The following PTPRA variants were observed in gnomAD, a reference collection of about 807,000 sequenced individuals.
The protein encoded by PTPRA is protein tyrosine phosphatase receptor type A, also known as receptor-type tyrosine-protein phosphatase alpha.
PTPRA carries 25 observed loss-of-function variants against 104.8 expected under a neutral mutation model. That is an observed-to-expected ratio of 0.24 (90% CI 0.17 to 0.33). PTPRA has a LOEUF of 0.33. Ranked by LOEUF, PTPRA falls within the 10% of genes least tolerant of loss-of-function variation. The pLI, the probability that PTPRA is intolerant of heterozygous loss-of-function variation, is 1.00. For synonymous variants in PTPRA, 323 were observed against 368.9 expected (o/e 0.88, Z 1.43); for missense variants, 765 against 1,015.3 (o/e 0.75, Z 3.35).
intron 6 of PTPRA, among the ~76,000 whole-genome samples, chr20:2,984,504 CT>C (rs2062819801): frequency 6.6e-6 from 1 of 152,224 alleles, no homozygotes; most frequent in Non-Finnish European, 1.5e-5. Flanking sequence ...AAAAACTCTG[CT>C]CTTGGCTTCT....
chr20:2,986,829 C>A lies in PTPRA; in HGVS notation c.507C>A (p.Ile169=). The change falls in exon 7 of 24, where the codon ATC becomes ATA. Residue 169 remains isoleucine (I), a synonymous_variant. Transcript: ENST00000399903. The part of the protein sequence containing the change: ...LSSLLVIVFI[I]IVLYMLRFKK... ...CTCTGCTAGTGATCGTGTTTATTAT[C>A]ATAGTTTTGTACATGTTAAGGTGAG... is the stretch of plus-strand genomic sequence containing the variant. The A allele has an allele frequency of 1.2e-6, 2 of 1,611,186 alleles. No individual in the cohort carries two copies.
chr20:2,884,957 C>G (rs558108504), intron 1 of PTPRA, among the ~76,000 whole-genome samples: 5 of 152,092 alleles, frequency 3.3e-5, no homozygotes, highest in African/African-American at 1.2e-4. Flanking sequence ...CTACAGGCGC[C>G]CCCCACCACA....
At chr20:3,030,198 T>C (rs1194779492) in intron 20 of PTPRA, among the ~76,000 whole-genome samples, 1 of 152,200 alleles carries the variant, frequency 6.6e-6, no homozygotes, top group African/African-American at 2.4e-5. Flanking sequence ...TCTTCCATCC[T>C]TGAAAAGGAC....
At chr20:2,864,612 A>G in the PTPRA span, 9 of 1,614,116 alleles carry the variant, frequency 5.6e-6, no homozygotes, top group African/African-American at 1.2e-4. This position sits in a 1 kb window ranked among gnomAD's most constrained non-coding sequence, Gnocchi z 5.2. Flanking sequence ...ATCACCAGGA[A>G]TTGGGCAGCT....
At chr20:2,970,331 T>C (rs1465870256) in intron 5 of PTPRA, among the ~76,000 whole-genome samples, 1 of 152,232 alleles carries the variant, frequency 6.6e-6, no homozygotes, top group Non-Finnish European at 1.5e-5. Flanking sequence ...CTATTCCTAT[T>C]AACAATATGT....
At chr20:2,947,465 A>T (rs1473126241) in intron 2 of PTPRA, among the ~76,000 whole-genome samples, 2 of 152,214 alleles carry the variant, frequency 1.3e-5, no homozygotes, top group African/African-American at 4.8e-5. Flanking sequence ...TGGAATGAGA[A>T]TGAATTCTCA....
chr20:2,946,469 A>G lies in PTPRA; in HGVS notation c.-49-1513A>G, dbSNP rs1042170558. Among the ~76,000 whole-genome samples, 4 of 152,208 alleles carry G rather than the reference A, an allele frequency of 2.6e-5. No individual in the cohort carries two copies. The East Asian group carries it at 7.7e-4, about 29-fold the overall frequency. On this transcript the variant is annotated intron_variant, in intron 2 of 23. Coordinates refer to ENST00000399903, the MANE Select transcript of PTPRA (RefSeq NM_001385305.1). ...GGGAAGTAAGAGAGCACATGAGGAGAGAGACTATGTCAAGTTTCTTCGTAT... is the reference window on the plus strand; with the variant it reads ...GGGAAGTAAGAGAGCACATGAGGAGGGAGACTATGTCAAGTTTCTTCGTAT...
intron 3 of PTPRA, among the ~76,000 whole-genome samples, chr20:2,957,033 C>T (rs1011318075): frequency 6.6e-6 from 1 of 152,196 alleles, no homozygotes; most frequent in Non-Finnish European, 1.5e-5. Context: ...CGCCTGTAAT[C>T]CCAGCACTTT....
chr20:2,956,199 C>T (rs945240646), intron 3 of PTPRA, among the ~76,000 whole-genome samples: 2 of 152,166 alleles, frequency 1.3e-5, no homozygotes, highest in African/African-American at 4.8e-5. Context: ...TCAAACCCCA[C>T]CAGTTGATCC....
intron 1 of PTPRA, among the ~76,000 whole-genome samples, chr20:2,874,392 T>TAA (rs11481079): frequency 3.0e-4 from 44 of 147,560 alleles, no homozygotes; most frequent in Admixed American, 1.1e-3. Flanking sequence ...TCCTGAAGAT[T>TAA]AAAAAAAAAA....
rs190903682 is a variant in PTPRA, at chr20:2,978,305, C to G, written c.442+3064C>G. ...GGCTCAAAACAACGGTGATTGGGCT[C>G]AACCCAGTGGTTAGATTCTAGAGGC... On this transcript the variant is annotated intron_variant, in intron 6 of 23. Transcript: ENST00000399903. 3.6e-3 allele frequency among the ~76,000 whole-genome samples: 548 copies of G among 152,288 alleles called. 5 individuals carry two copies. Among genetic ancestry groups the G allele is most frequent in the Non-Finnish European group, 4.4e-3 (299 of 68,028 alleles).
At chr20:3,032,930 T>C (rs1200961630) in intron 20 of PTPRA, among the ~76,000 whole-genome samples, 1 of 151,542 alleles carries the variant, frequency 6.6e-6, no homozygotes, top group African/African-American at 2.4e-5. Flanking sequence ...TTTTTGTCCT[T>C]ACAGCAGCAT....
chr20:2,936,468 C>T (rs1270144460), intron 2 of PTPRA, among the ~76,000 whole-genome samples: 1 of 146,086 alleles, frequency 6.8e-6, no homozygotes, highest in African/African-American at 2.5e-5. Flanking sequence ...TGGCCTAGGT[C>T]TTTTTTTTTT....
At chr20:3,011,477 T>C (rs1265373472) in intron 11 of PTPRA, among the ~76,000 whole-genome samples, 2 of 152,264 alleles carry the variant, frequency 1.3e-5, no homozygotes, top group Non-Finnish European at 2.9e-5. Flanking sequence ...TGTGGAGTTA[T>C]GAGAAAAAAC....
At chr20:3,008,554 C>T (rs1276298473) in intron 11 of PTPRA, among the ~76,000 whole-genome samples, 2 of 151,902 alleles carry the variant, frequency 1.3e-5, no homozygotes, top group Non-Finnish European at 2.9e-5. Context: ...GTGATGGTTG[C>T]ACGACAGCGT....
Position 2,890,427 on chromosome 20 carries a change from T to C in PTPRA, c.-129+16667T>C, listed in dbSNP as rs1004157872. 3.3e-5 allele frequency among the ~76,000 whole-genome samples: 5 copies of C among 152,338 alleles called. No homozygotes were observed. In the South Asian group the frequency reaches 1.0e-3, roughly 32 times the overall value. The stretch of plus-strand genomic sequence containing the variant: ...GTAAATGGGTTCAGCTGTAGTACTC[T>C]ATGTATTTGTTTGTTTTAAGCATTA... On this transcript the variant is annotated intron_variant, in intron 1 of 23. Coordinates refer to ENST00000399903, the MANE Select transcript of PTPRA (RefSeq NM_001385305.1).
chr20:2,909,944 AT>A lies in PTPRA; in HGVS notation c.-128-13261del, dbSNP rs2059584570. ...TATATTGTTATATATAATATGTGTA[AT>A]TATATATTATAATATATGATATATA... On this transcript the variant is annotated intron_variant, in intron 1 of 23. Transcript: ENST00000399903. Among the ~76,000 whole-genome samples the A allele has an allele frequency of 1.6e-5, 2 of 123,974 alleles. 1 individual carries two copies. The highest frequency in any genetic ancestry group is 4.0e-4 in the East Asian group (2 of 4,956). 81.3% of individuals were successfully genotyped at this position (123,974 alleles called of 152,430 possible). A position where few individuals can be genotyped will look rare whatever the true frequency, so the allele number is the denominator to read the frequency against.
intron 2 of PTPRA, among the ~76,000 whole-genome samples, chr20:2,926,181 A>G (rs2060287218): frequency 6.6e-6 from 1 of 152,164 alleles, no homozygotes; most frequent in East Asian, 1.9e-4. Flanking sequence ...CCCCCCATTT[A>G]ATATTTGTAT....
Position 2,918,565 on chromosome 20 carries a change from G to A in PTPRA, c.-128-4642G>A, listed in dbSNP as rs115445480. Among the ~76,000 whole-genome samples the A allele has an allele frequency of 4.8e-3, 728 of 152,218 alleles. 5 individuals are homozygous for A. The highest frequency in any genetic ancestry group is 0.016 in the African/African-American group (674 of 41,524). On this transcript the variant is annotated intron_variant, in intron 1 of 23. Coordinates refer to ENST00000399903, the MANE Select transcript of PTPRA (RefSeq NM_001385305.1). ...GACAAGGTTTTATTTCCTGTCTTTG[G>A]GGTAGGAGGGTCTGCCATATCCACA...
Sources: allele counts gnomAD v4.1 joint callset (sites outside exome capture counted in the v4.1 genomes callset), GRCh38; gene constraint gnomAD v4.1.1; non-coding constraint Gnocchi (gnomAD v3.1); transcripts MANE v1.5; gene names NCBI Gene and HGNC (gene_info 2026-07-23, HGNC 2026-07-21).